NOS1: variants seen among roughly 807,000 people sequenced by gnomAD.
NOS1 encodes NOS type I.
A neutral mutation model predicts 164.5 loss-of-function variants in NOS1; 51 were observed. The observed-to-expected ratio is 0.31, with a 90% CI of 0.25 to 0.39. The LOEUF (loss-of-function observed/expected upper bound fraction) is 0.39, where lower values mean the gene tolerates loss of function less well. Among genes scored for constraint, NOS1 ranks in the 10% least tolerant of loss-of-function variants. The pLI, the probability that NOS1 is intolerant of heterozygous loss-of-function variation, is 1.00. For synonymous variants in NOS1, 719 were observed against 745.8 expected, an observed-to-expected ratio of 0.96 and a Z score of 0.59; for missense variants, 1,362 against 1,885.6, an observed-to-expected ratio of 0.72 and a Z score of 5.14.
chr12:117,350,394 A>G (rs537018458), intron 1 of NOS1, among the ~76,000 whole-genome samples: 13 of 152,254 alleles, frequency 8.5e-5, no homozygotes, highest in African/African-American at 3.1e-4. Flanking sequence ...TCAATGAGTC[A>G]CACCTCCTCA....
Position 117,253,719 on chromosome 12 carries a change from T to G in NOS1, c.2567A>C (p.Tyr856Ser), listed in dbSNP as rs895769537. The G allele has an allele frequency of 1.9e-6, 3 of 1,613,768 alleles. No individual in the cohort carries two copies. The highest frequency in any genetic ancestry group is 1.7e-5 in the Admixed American group (1 of 59,980). The change falls in exon 17 of 29, where the codon TAC becomes TCC. Residue 856 changes from tyrosine to serine, a missense_variant. By Grantham distance (144) the Tyr-to-Ser change is moderately radical. Around this residue, in one of 4 missense-constraint regions of NOS1, gnomAD observed 737 missense variants for 1,030.3 expected, o/e 0.72. Coordinates refer to ENST00000317775, the MANE Select transcript of NOS1 (RefSeq NM_000620.5). ...YKVRFNSVSS[Y>S]SDSQKSSGDG... ...GCCTGATGATTTTTGGGAGTCAGAG[T>G]AGGAGGAGACGCTGTTGAATCGGAC...
chr12:117,261,882 A>G (rs899690153), intron 13 of NOS1, among the ~76,000 whole-genome samples: 1 of 152,132 alleles, frequency 6.6e-6, no homozygotes, highest in Admixed American at 6.5e-5. Context: ...TTTCTAACTA[A>G]ACAGAGAAGC....
At chr12:117,320,797 C>A (rs1389586322) in intron 2 of NOS1, among the ~76,000 whole-genome samples, 1 of 152,270 alleles carries the variant, frequency 6.6e-6, no homozygotes, top group Admixed American at 6.5e-5. Context: ...TGTCTCAGGG[C>A]CTTTGCTCCT....
intron 4 of NOS1, among the ~76,000 whole-genome samples, chr12:117,289,356 C>G (rs960823924): frequency 2.0e-5 from 3 of 152,114 alleles, no homozygotes; most frequent in African/African-American, 7.2e-5. Flanking sequence ...GGTTCTCAAA[C>G]AGGGGTGAAT....
chr12:117,231,598 A>T (rs923048197), intron 22 of NOS1, among the ~76,000 whole-genome samples: 1 of 152,224 alleles, frequency 6.6e-6, no homozygotes, highest in Non-Finnish European at 1.5e-5. Flanking sequence ...ACAAAAAACA[A>T]GAAAAAACCT....
intron 3 of NOS1, among the ~76,000 whole-genome samples, chr12:117,295,429 A>G (rs1226913087): frequency 6.6e-6 from 1 of 152,154 alleles, no homozygotes; most frequent in East Asian, 1.9e-4. Context: ...TGACATGACA[A>G]TGTCAGAGCT....
chr12:117,251,159 A>G (rs766923230), intron 17 of NOS1, among the ~76,000 whole-genome samples: 5 of 152,170 alleles, frequency 3.3e-5, no homozygotes, highest in Non-Finnish European at 7.3e-5. Flanking sequence ...CACAGCTGGA[A>G]GGCACCGTCT....
At chr12:117,225,921 G>A (rs1195547692) in intron 24 of NOS1, among the ~76,000 whole-genome samples, 1 of 152,124 alleles carries the variant, frequency 6.6e-6, no homozygotes, top group Non-Finnish European at 1.5e-5. Context: ...GAGCCACTGC[G>A]CCCAGCCCAG....
At chr12:117,256,087 G>C in intron 16 of NOS1, 2 of 1,053,896 alleles carry the variant, frequency 1.9e-6, no homozygotes, top group Non-Finnish European at 2.6e-6. Flanking sequence ...GGAGGGGTGA[G>C]AGGGAACCTG....
intron 12 of NOS1, among the ~76,000 whole-genome samples, 171 bp from the exon 13 acceptor site, chr12:117,264,145 G>GA (rs1491169159): frequency 1.8e-5 from 2 of 109,896 alleles, no homozygotes; most frequent in South Asian, 3.4e-4. Context: ...GGGTTGGGGG[G>GA]AGGGGGGGGG....
chr12:117,270,273 C>G (rs1161403752), intron 10 of NOS1, among the ~76,000 whole-genome samples: 1 of 152,086 alleles, frequency 6.6e-6, no homozygotes, highest in Non-Finnish European at 1.5e-5. Flanking sequence ...TTTGGGTAAA[C>G]TGCTCCTAGA....
In NOS1 at chr12:117,213,643, A is replaced by G; in HGVS notation, c.*1666T>C. The G allele has an allele frequency of 3.0e-6, 3 of 985,462 alleles. No individual in the cohort carries two copies. The highest frequency in any genetic ancestry group is 3.6e-6 in the Non-Finnish European group (3 of 829,962). The allele number at this position is 985,462 out of a possible 1,614,324, so 61.0% of individuals were successfully genotyped here. A position where few individuals can be genotyped will look rare whatever the true frequency, so the allele number is the denominator to read the frequency against. ...CCAGTGCACTTCCTCTTTAGCAGAC[A>G]CCCAAACTGAACAACAAGATATGCC... On this transcript the variant is annotated 3_prime_UTR_variant, in exon 29 of 29. Transcript: ENST00000317775.
chr12:117,333,412 G>A (rs555502279), intron 1 of NOS1, among the ~76,000 whole-genome samples: 10 of 152,162 alleles, frequency 6.6e-5, no homozygotes, highest in African/African-American at 2.4e-4. Flanking sequence ...CCCTTTTAGC[G>A]ACTTCCCAGG....
chr12:117,272,366 G>A lies in NOS1; in HGVS notation c.1839+19C>T. The A allele has an allele frequency of 6.2e-7, 1 of 1,613,868 alleles. No individual in the cohort carries two copies. The highest frequency in any genetic ancestry group is 8.5e-7 in the Non-Finnish European group (1 of 1,179,846). On this transcript the variant is annotated intron_variant, in intron 10 of 28. Coordinates refer to ENST00000317775, the MANE Select transcript of NOS1 (RefSeq NM_000620.5). This position sits in a 1 kb window ranked among gnomAD's most constrained non-coding sequence, Gnocchi z 4.3. ...CTGCTATGTGCTTTTCCCCTGTGGT[G>A]ACCAGAGAGGGCCCTTACCTCCAGG...
chr12:117,273,394 C>T (rs75791569), intron 9 of NOS1, among the ~76,000 whole-genome samples: 2,431 of 152,186 alleles, frequency 0.016, 63 homozygotes, highest in African/African-American at 0.055. Context: ...GTGTCAGGAG[C>T]CTCAGGACAC....
intron 17 of NOS1, among the ~76,000 whole-genome samples, chr12:117,252,017 G>A (rs1871140151): frequency 6.6e-6 from 1 of 152,232 alleles, no homozygotes; most frequent in African/African-American, 2.4e-5. Flanking sequence ...ACAGGCATGA[G>A]CCACTGTGCC....
At position 117,280,947 on chromosome 12, in the gene NOS1, G is replaced by C. The variant is rs1003087641; in HGVS notation, c.1383-81C>G. On this transcript the variant is annotated intron_variant, in intron 7 of 28. Coordinates refer to ENST00000317775, the MANE Select transcript of NOS1 (RefSeq NM_000620.5). ...CATACTAAACATGGCGCCACCCAGG[G>C]CGACAGCTGCTTGAGGCTCAGGGTA... 22 of 1,507,096 alleles carry C rather than the reference G, an allele frequency of 1.5e-5. No individual in the cohort carries two copies. In the Admixed American group the frequency reaches 3.5e-4, roughly 24 times the overall value. The allele number at this position is 1,507,096 out of a possible 1,614,324, so 93.4% of individuals were successfully genotyped here. A position where few individuals can be genotyped will look rare whatever the true frequency, so the allele number is the denominator to read the frequency against.
chr12:117,298,365 C>T (rs1452796329), intron 3 of NOS1, among the ~76,000 whole-genome samples: 1 of 152,138 alleles, frequency 6.6e-6, no homozygotes, highest in East Asian at 1.9e-4. Flanking sequence ...GCTGTAAATA[C>T]AGATGAAGCT....
chr12:117,352,006 C>A (rs540590559), intron 1 of NOS1, among the ~76,000 whole-genome samples: 7 of 152,182 alleles, frequency 4.6e-5, no homozygotes, highest in Admixed American at 3.3e-4. Flanking sequence ...CATGGTGAGA[C>A]CCCGTCGCTA....
Sources: gnomAD v4.1 joint callset for allele counts (sites outside exome capture counted in the v4.1 genomes callset) on GRCh38, gnomAD v4.1.1 for gene constraint, gnomAD v4.1.1 regional missense constraint, Gnocchi (gnomAD v3.1) non-coding constraint, MANE v1.5 for transcripts, NCBI Gene and HGNC (gene_info 2026-07-23, HGNC 2026-07-21) for gene names.